Variants in CNR1 observed in about 807,000 individuals in gnomAD.
CNR1 encodes the protein cannabinoid receptor 1.
A neutral mutation model predicts 23.0 loss-of-function variants in CNR1; 10 were observed. The ratio of observed to expected loss-of-function variants is 0.43; its 90% CI spans 0.27 to 0.74. The LOEUF (loss-of-function observed/expected upper bound fraction) is 0.74. Ranked by LOEUF, CNR1 falls within the 30% of genes least tolerant of loss-of-function variation. CNR1 has a pLI of 0.19. For synonymous variants in CNR1, 271 were observed against 255.2 expected, an observed-to-expected ratio of 1.06 and a Z score of -0.59; for missense variants, 422 against 618.8, an observed-to-expected ratio of 0.68 and a Z score of 3.37.
Position 88,141,573 on chromosome 6 carries a change from T to C in CNR1, c.*2283A>G, listed in dbSNP as rs1459075512. ...ACATGTGGATTAATGTTCAAGATGA[T>C]GCAGGACAAAAGACTGGCAATTCTT... On this transcript the variant is annotated 3_prime_UTR_variant, in exon 2 of 2. Coordinates refer to ENST00000369501, the MANE Select transcript of CNR1 (RefSeq NM_016083.6). The C allele has an allele frequency of 1.3e-5, 2 of 152,380 alleles. No homozygotes were observed. The highest frequency in any genetic ancestry group is 2.4e-5 in the African/African-American group (1 of 41,464). 9.4% of individuals were successfully genotyped at this position (152,380 alleles called of 1,614,324 possible). A position where few individuals can be genotyped will look rare whatever the true frequency, so the allele number is the denominator to read the frequency against.
chr6:88,166,596 C>T (rs1778380089), upstream of CNR1, among the ~76,000 whole-genome samples: 11 of 152,292 alleles, frequency 7.2e-5, no homozygotes, highest in South Asian at 2.3e-3. Context: ...CCTCCTCCTC[C>T]TCCGCCGCCG....
At position 88,140,102 on chromosome 6, in the gene CNR1, T is replaced by A. The variant is rs1298550256; in HGVS notation, c.*3754A>T. 4.6e-5 allele frequency: 7 copies of A among 152,814 alleles called. No homozygotes were observed. Among genetic ancestry groups the A allele is most frequent in the African/African-American group, 1.7e-4 (7 of 41,462 alleles). 9.5% of individuals were successfully genotyped at this position (152,814 alleles called of 1,614,324 possible). The stretch of plus-strand genomic sequence containing the variant: ...ACCAGTACTTGTATACAAAGTATTA[T>A]ACAGATTACTAACGAAGATATTGCA... On this transcript the variant is annotated 3_prime_UTR_variant, in exon 2 of 2. Transcript: ENST00000369501.
intron 1 of CNR1, among the ~76,000 whole-genome samples, chr6:88,164,808 T>C (rs1416545951): frequency 6.6e-6 from 1 of 152,226 alleles, no homozygotes; most frequent in Non-Finnish European, 1.5e-5. Flanking sequence ...AGAAATTGCA[T>C]TTCCCCCATT....
rs1776903762 is a variant in CNR1, at chr6:88,142,894, A to G, written c.*962T>C. On this transcript the variant is annotated 3_prime_UTR_variant, in exon 2 of 2. Transcript: ENST00000369501. ...TGAAATCTACTTAAACCTGGAATAT[A>G]GGAACACAATACTATTCAAGTAAAC... The G allele has an allele frequency of 6.5e-6, 1 of 152,822 alleles. No homozygotes were observed. The highest frequency in any genetic ancestry group is 6.5e-5 in the Admixed American group (1 of 15,292). 9.5% of individuals were successfully genotyped at this position (152,822 alleles called of 1,614,324 possible). A position where few individuals can be genotyped will look rare whatever the true frequency, so the allele number is the denominator to read the frequency against.
At chr6:88,147,809 A>G (rs1157964746) in intron 1 of CNR1, 1 of 152,308 alleles carries the variant, frequency 6.6e-6, no homozygotes, top group Non-Finnish European at 1.5e-5. Flanking sequence ...TCTTTGCCCT[A>G]AAAACCAAAT....
chr6:88,149,041 A>G (rs1285458308), intron 1 of CNR1, among the ~76,000 whole-genome samples: 1 of 152,230 alleles, frequency 6.6e-6, no homozygotes, highest in East Asian at 1.9e-4. Context: ...GATGGGAGCC[A>G]TCACCTACTG....
chr6:88,146,792 A>G lies in CNR1; in HGVS notation c.-63-1455T>C, dbSNP rs185076958. Reference sequence around the variant, plus strand: ...TTGTTCCTGAAACATATCACACTGTATGGGGTTGGGGGAGAGACAATCACT... The same window carrying G: ...TTGTTCCTGAAACATATCACACTGTGTGGGGTTGGGGGAGAGACAATCACT... On this transcript the variant is annotated intron_variant, in intron 1 of 1. Coordinates refer to ENST00000369501, the MANE Select transcript of CNR1 (RefSeq NM_016083.6). 2.2e-4 allele frequency among the ~76,000 whole-genome samples: 33 copies of G among 152,300 alleles called. 1 individual carries two copies. The East Asian group carries it at 5.6e-3, about 26-fold the overall frequency.
Position 88,144,833 on chromosome 6 carries a change from G to C in CNR1, c.442C>G (p.Arg148Gly). ...ATGAAGTGGTAGGAAGGCCTGCAGC[G>C]GAGGCTGCGGGAGTGGAGGATGACG... ...LCVILHSRSLRCRPSYHFIGS... is the reference protein window; with the variant it reads ...LCVILHSRSLGCRPSYHFIGS... Residue 148 changes from arginine (R) to glycine (G), a missense_variant, in exon 2 of 2, where the codon CGC becomes GGC. Around this residue, in one of 4 missense-constraint regions of CNR1, gnomAD observed 211 missense variants for 357.3 expected, o/e 0.59. Transcript: ENST00000369501. This position sits in a 1 kb window ranked among gnomAD's most constrained non-coding sequence, Gnocchi z 7.8. 1 of 1,614,158 alleles carries C rather than the reference G, an allele frequency of 6.2e-7. No homozygotes were observed. Among genetic ancestry groups the C allele is most frequent in the Non-Finnish European group, 8.5e-7 (1 of 1,180,008 alleles).
At chr6:88,164,923 T>C (rs377553408) in intron 1 of CNR1, among the ~76,000 whole-genome samples, 1 of 152,308 alleles carries the variant, frequency 6.6e-6, no homozygotes, top group Middle Eastern at 3.4e-3. Context: ...TAATCTCTTA[T>C]TGGATTACAT....
Position 88,145,026 on chromosome 6 carries a change from G to T in CNR1, c.249C>A (p.Asn83Lys), listed in dbSNP as rs1777086323. The change falls in exon 2 of 2, where the codon AAC becomes AAA. Residue 83 changes from asparagine to lysine, a missense_variant. This residue lies in a region of CNR1 where 120 missense variants were observed against 117.6 expected (regional missense o/e 1.02). Coordinates refer to ENST00000369501, the MANE Select transcript of CNR1 (RefSeq NM_016083.6). ...ADQVNITEFY[N>K]KSLSSFKENE... ...TCTCCTTGAAGGACGAGAGAGACTT[G>T]TTGTAAAATTCTGTAATGTTCACCT... 6.2e-7 allele frequency: 1 copy of T among 1,613,958 alleles called. No individual in the cohort carries two copies. The highest frequency in any genetic ancestry group is 1.3e-5 in the African/African-American group (1 of 74,928).
At chr6:88,157,517 ATTAC>A (rs770610977) in intron 1 of CNR1, among the ~76,000 whole-genome samples, 1 of 152,340 alleles carries the variant, frequency 6.6e-6, no homozygotes, top group African/African-American at 2.4e-5. Context: ...TAAATTTCTA[ATTAC>A]TTTTCTGAGG....
At chr6:88,153,858 T>C (rs1037445691) in intron 1 of CNR1, among the ~76,000 whole-genome samples, 4 of 152,236 alleles carry the variant, frequency 2.6e-5, no homozygotes, top group Admixed American at 2.6e-4. Flanking sequence ...TGAATGATGT[T>C]TCCACTCCAG....
chr6:88,150,763 T>C (rs2023239), intron 1 of CNR1, among the ~76,000 whole-genome samples: 30,883 of 152,188 alleles, frequency 0.2, 3,692 homozygotes, highest in African/African-American at 0.33. Context: ...GCCAGGACCA[T>C]GTAAGGAACA....
chr6:88,160,710 C>T (rs1419989678), intron 1 of CNR1, among the ~76,000 whole-genome samples: 1 of 152,168 alleles, frequency 6.6e-6, no homozygotes, highest in Non-Finnish European at 1.5e-5. Context: ...GCTGGGATTG[C>T]AGGCGTGAGC....
At chr6:88,154,484 C>T (rs1454600352) in intron 1 of CNR1, among the ~76,000 whole-genome samples, 1 of 152,192 alleles carries the variant, frequency 6.6e-6, no homozygotes, top group African/African-American at 2.4e-5. Flanking sequence ...TTTAATTTTG[C>T]TCTTCTGTTT....
At chr6:88,159,102 T>A (rs1403203958) in intron 1 of CNR1, among the ~76,000 whole-genome samples, 3 of 152,190 alleles carry the variant, frequency 2.0e-5, no homozygotes, top group Non-Finnish European at 2.9e-5. Flanking sequence ...TTACAAAGGC[T>A]ATGCAAAGCT....
rs1026407274 is a variant in CNR1, at chr6:88,142,940, G to A, written c.*916C>T. 2 of 152,714 alleles carry A rather than the reference G, an allele frequency of 1.3e-5. No individual in the cohort carries two copies. Among genetic ancestry groups the A allele is most frequent in the African/African-American group, 2.4e-5 (1 of 41,426 alleles). 9.5% of individuals were successfully genotyped at this position (152,714 alleles called of 1,614,324 possible). ...TAAACAGCAACTGCACAGTGATAACGATATACATTAAGATTAACACATGCT... is the reference window on the plus strand; with the variant it reads ...TAAACAGCAACTGCACAGTGATAACAATATACATTAAGATTAACACATGCT... On this transcript the variant is annotated 3_prime_UTR_variant, in exon 2 of 2. Coordinates refer to ENST00000369501, the MANE Select transcript of CNR1 (RefSeq NM_016083.6).
In CNR1 at chr6:88,144,295, A is replaced by G; in HGVS notation, c.980T>C (p.Val327Ala). The G allele has an allele frequency of 6.2e-7, 1 of 1,611,944 alleles. No individual in the cohort carries two copies. The highest frequency in any genetic ancestry group is 8.5e-7 in the Non-Finnish European group (1 of 1,179,952). Reference sequence around the variant, plus strand: ...GGCTTGGTCTGGCCGGGTCACCTGTACCTTCCCATCCTCAGACGTGTGGAT... The same window carrying G: ...GGCTTGGTCTGGCCGGGTCACCTGTGCCTTCCCATCCTCAGACGTGTGGAT... ...IIIHTSEDGK[V>A]QVTRPDQARM... Residue 327 changes from valine to alanine, a missense_variant, in exon 2 of 2, where the codon GTA becomes GCA. Physicochemically the swap from Val to Ala is moderately conservative, Grantham distance 64. This residue lies in a region of CNR1 where 211 missense variants were observed against 357.3 expected (regional missense o/e 0.59). Coordinates refer to ENST00000369501, the MANE Select transcript of CNR1 (RefSeq NM_016083.6). The surrounding 1 kb of genome is among the most constrained non-coding windows in gnomAD (Gnocchi z 7.8).
At chr6:88,147,210 G>C (rs1777244648) in intron 1 of CNR1, among the ~76,000 whole-genome samples, 1 of 152,216 alleles carries the variant, frequency 6.6e-6, no homozygotes, top group Non-Finnish European at 1.5e-5. Flanking sequence ...TACTCAGGAG[G>C]CTGAGGCAGG....
Sources: gnomAD v4.1 joint callset for allele counts (sites outside exome capture counted in the v4.1 genomes callset) on GRCh38, gnomAD v4.1.1 for gene constraint, gnomAD v4.1.1 regional missense constraint, Gnocchi (gnomAD v3.1) non-coding constraint, MANE v1.5 for transcripts, NCBI Gene and HGNC (gene_info 2026-07-23, HGNC 2026-07-21) for gene names.